ZNF793: variants seen among roughly 807,000 people sequenced by gnomAD.
ZNF793 encodes the protein zinc finger protein 793.
Under a neutral mutation model 12.4 loss-of-function variants are expected in ZNF793, and 5 were observed. That is an observed-to-expected ratio of 0.40 (90% CI 0.21 to 0.84). The LOEUF (loss-of-function observed/expected upper bound fraction) is 0.84. Ranked by LOEUF, ZNF793 falls within the 40% of genes least tolerant of loss-of-function variation. ZNF793 has a pLI of 0.35. For synonymous variants in ZNF793, 162 were observed against 172.4 expected (o/e 0.94, Z 0.47); for missense variants, 456 against 495.0 (o/e 0.92, Z 0.75).
At chr19:37,532,248 C>T in intron 5 of ZNF793, 108 bp from the exon 6 acceptor site, 1 of 1,284,006 alleles carries the variant, frequency 7.8e-7, no homozygotes, top group Non-Finnish European at 1.1e-6. Context: ...TCCTGATCCT[C>T]CCACCTTGGC....
In ZNF793 at chr19:37,542,548, A is replaced by C. The variant is rs1799134217; in HGVS notation, c.*4669A>C. 5 of 342,546 alleles carry C rather than the reference A, an allele frequency of 1.5e-5. No homozygotes were observed. The highest frequency in any genetic ancestry group is 3.6e-5 in the Admixed American group (1 of 27,816). The allele number at this position is 342,546 out of a possible 1,614,324, so 21.2% of individuals were successfully genotyped here. On this transcript the variant is annotated 3_prime_UTR_variant, in exon 8 of 8. Coordinates refer to ENST00000627814, the MANE Select transcript of ZNF793 (RefSeq NM_001013659.3). ...AAAAATTGTTCTTAATGGCAAAAAA[A>C]CCCCCAAAACCAAAGCAAACACTAG...
chr19:37,532,085 C>T (rs1053097223), intron 5 of ZNF793, among the ~76,000 whole-genome samples: 14 of 150,056 alleles, frequency 9.3e-5, no homozygotes, highest in African/African-American at 3.4e-4. Context: ...GCGATCTCGG[C>T]TCACTGCAAC....
intron 3 of ZNF793, among the ~76,000 whole-genome samples, chr19:37,521,414 T>C (rs1205269682): frequency 6.8e-6 from 1 of 146,180 alleles, no homozygotes; most frequent in East Asian, 2.1e-4. Context: ...TGAATCACCA[T>C]GCATGGTCAA....
rs757619866 is a variant in ZNF793 at position 37,537,170 on chromosome 19, A to G, written c.512A>G (p.Lys171Arg). ...KKQDECYAYG[K>R]LLQRINHGRR... ...CAAGATGAGTGTTATGCTTATGGGA[A>G]ATTGCTTCAGCGTATAAATCATGGT... Residue 171 changes from lysine to arginine, a missense_variant, in exon 8 of 8, where the codon AAA becomes AGA. Physicochemically the swap from Lys to Arg is conservative, Grantham distance 26. Coordinates refer to ENST00000627814, the MANE Select transcript of ZNF793 (RefSeq NM_001013659.3). 1 of 1,613,692 alleles carries G rather than the reference A, an allele frequency of 6.2e-7. No individual in the cohort carries two copies. The highest frequency in any genetic ancestry group is 1.1e-5 in the South Asian group (1 of 91,022).
intron 5 of ZNF793, 55 bp from the exon 6 acceptor site, chr19:37,532,301 G>T: frequency 1.9e-6 from 3 of 1,569,678 alleles, no homozygotes; most frequent in Non-Finnish European, 2.6e-6. Context: ...ACCATGCCTG[G>T]CCCTGCACAA....
rs1047480051 is a variant in ZNF793 at position 37,538,215 on chromosome 19, G to A, written c.*336G>A. 1.3e-4 allele frequency: 26 copies of A among 200,182 alleles called. No individual in the cohort carries two copies. In the East Asian group the frequency reaches 2.1e-3, roughly 16 times the overall value. 12.4% of individuals were successfully genotyped at this position (200,182 alleles called of 1,614,324 possible). On this transcript the variant is annotated 3_prime_UTR_variant, in exon 8 of 8. Transcript: ENST00000627814. ...CAGGCGTGAGCCACCGCGCCTGGCCGGTATGTAGGGAATTTATCCTTAGGA... is the reference window on the plus strand; with the variant it reads ...CAGGCGTGAGCCACCGCGCCTGGCCAGTATGTAGGGAATTTATCCTTAGGA...
upstream of ZNF793, chr19:37,506,779 A>ACGGCACAGTTTTAAACATGGC (rs2042252196): frequency 1.3e-5 from 2 of 152,220 alleles, no homozygotes; most frequent in African/African-American, 4.8e-5. Flanking sequence ...CATCCGTTTT[A>ACGGCACAGTTTTAAACATGGC]CGGCACAGTT....
At chr19:37,536,419 A>G (rs1416396829) in intron 7 of ZNF793, 2 of 399,596 alleles carry the variant, frequency 5.0e-6, no homozygotes, top group Admixed American at 4.4e-5. Flanking sequence ...CACATGCTGG[A>G]TAGCAAGGTA....
chr19:37,537,848 A>C lies in ZNF793; in HGVS notation c.1190A>C (p.Asn397Thr), dbSNP rs2042520978. 1.9e-6 allele frequency: 3 copies of C among 1,603,448 alleles called. No individual in the cohort carries two copies. The highest frequency in any genetic ancestry group is 2.6e-6 in the Non-Finnish European group (3 of 1,172,806). ...CATGCTCGGAAGAATGCCTACAGGA[A>C]TGAAAACTTAATAATTGTGGGAAAT... ...KIHARKNAYR[N>T]ENLIIVGNT is the part of the protein sequence containing the mutation. The change falls in exon 8 of 8, where the codon AAT becomes ACT. Residue 397 changes from asparagine to threonine, a missense_variant. Physicochemically the swap from Asn to Thr is moderately conservative, Grantham distance 65. Transcript: ENST00000627814.
Position 37,537,970 on chromosome 19 carries a change from G to GC in ZNF793, c.*91_*92insC. 7.2e-7 allele frequency: 1 copy of GC among 1,396,438 alleles called. No homozygotes were observed. The highest frequency in any genetic ancestry group is 9.4e-7 in the Non-Finnish European group (1 of 1,065,646). The allele number at this position is 1,396,438 out of a possible 1,614,324, so 86.5% of individuals were successfully genotyped here. ...TTTGTCACCCAGGCTGGAGTGCAGT[G>GC]GCGCGATCTCGGCTTACTGCAAGCT... On this transcript the variant is annotated 3_prime_UTR_variant, in exon 8 of 8. Transcript: ENST00000627814.
At chr19:37,519,023 T>C (rs975887119) in intron 2 of ZNF793, among the ~76,000 whole-genome samples, 1 of 152,080 alleles carries the variant, frequency 6.6e-6, no homozygotes, top group African/African-American at 2.4e-5. Flanking sequence ...TCTCAGCACT[T>C]TCCGAGGCCG....
At chr19:37,515,530 A>G (rs931636047) in intron 2 of ZNF793, among the ~76,000 whole-genome samples, 2 of 152,062 alleles carry the variant, frequency 1.3e-5, no homozygotes, top group Admixed American at 1.3e-4. Flanking sequence ...GGATGGTCTC[A>G]ATCTCCTGAC....
Position 37,541,334 on chromosome 19 carries a change from T to C in ZNF793, c.*3455T>C, listed in dbSNP as rs922062571. On this transcript the variant is annotated 3_prime_UTR_variant, in exon 8 of 8. Coordinates refer to ENST00000627814, the MANE Select transcript of ZNF793 (RefSeq NM_001013659.3). ...GGAGCCTATGTGTACAATCTAGGAGTTGGGAGATATTAACTTTACCAACAC... is the reference window on the plus strand; with the variant it reads ...GGAGCCTATGTGTACAATCTAGGAGCTGGGAGATATTAACTTTACCAACAC... The C allele has an allele frequency of 6.6e-6, 1 of 151,734 alleles. No homozygotes were observed. The highest frequency in any genetic ancestry group is 6.6e-5 in the Admixed American group (1 of 15,224). The allele number at this position is 151,734 out of a possible 1,614,324, so 9.4% of individuals were successfully genotyped here. A position where few individuals can be genotyped will look rare whatever the true frequency, so the allele number is the denominator to read the frequency against.
intron 7 of ZNF793, chr19:37,534,915 C>G (rs2042492711): frequency 6.6e-6 from 1 of 152,382 alleles, no homozygotes; most frequent in Non-Finnish European, 1.5e-5. Flanking sequence ...AACTCCTGGG[C>G]TCAAGCAGTC....
intron 2 of ZNF793, among the ~76,000 whole-genome samples, chr19:37,519,676 G>T (rs190574237): frequency 6.6e-6 from 1 of 152,302 alleles, no homozygotes; most frequent in East Asian, 1.9e-4. Flanking sequence ...AGCATAAACA[G>T]ATTGTTTACA....
chr19:37,512,838 T>C lies in ZNF793; in HGVS notation c.-276+4435T>C, dbSNP rs569708846. ...AATAATATCATTTATGTTCATTCCT[T>C]TTAATGGTCCAGGATTCTAATCCAG... On this transcript the variant is annotated intron_variant, in intron 2 of 7. Coordinates refer to ENST00000627814, the MANE Select transcript of ZNF793 (RefSeq NM_001013659.3). Among the ~76,000 whole-genome samples, 3 of 152,338 alleles carry C rather than the reference T, an allele frequency of 2.0e-5. No individual in the cohort carries two copies. In the South Asian group the frequency reaches 6.2e-4, roughly 32 times the overall value.
intron 7 of ZNF793, chr19:37,536,644 A>G: frequency 4.5e-6 from 2 of 444,442 alleles, no homozygotes; most frequent in Non-Finnish European, 7.8e-6. Context: ...CTCCTTAAGA[A>G]TAAGTTTGCC....
rs2042541368 is a variant in ZNF793, at chr19:37,540,045, G to A, written c.*2166G>A. 1 of 152,020 alleles carries A rather than the reference G, an allele frequency of 6.6e-6. No individual in the cohort carries two copies. The highest frequency in any genetic ancestry group is 3.2e-3 in the Middle Eastern group (1 of 316). The allele number at this position is 152,020 out of a possible 1,614,324, so 9.4% of individuals were successfully genotyped here. A position where few individuals can be genotyped will look rare whatever the true frequency, so the allele number is the denominator to read the frequency against. On this transcript the variant is annotated 3_prime_UTR_variant, in exon 8 of 8. Transcript: ENST00000627814. ...CGCCTGTAATCCCAACACTTTGGGA[G>A]GCCGAGGCAGGTGGATCATGAGGTC...
chr19:37,533,258 T>A (rs756296087), intron 6 of ZNF793, 50 bp from the exon 7 acceptor site: 3 of 1,559,460 alleles, frequency 1.9e-6, no homozygotes, highest in Non-Finnish European at 2.7e-6. Context: ...TGAGAGGCCC[T>A]GAAGACCAAG....
Sources: gnomAD v4.1 joint callset for allele counts (sites outside exome capture counted in the v4.1 genomes callset) on GRCh38, gnomAD v4.1.1 for gene constraint, MANE v1.5 for transcripts, NCBI Gene and HGNC (gene_info 2026-07-23, HGNC 2026-07-21) for gene names.